The following PDE4B variants were observed in gnomAD, a reference collection of about 807,000 sequenced individuals.
PDE4B encodes 3',5'-cyclic-AMP phosphodiesterase 4B.
PDE4B carries 20 observed loss-of-function variants against 82.2 expected under a neutral mutation model. That is an observed-to-expected ratio of 0.24 (90% confidence interval 0.17 to 0.35). The LOEUF (loss-of-function observed/expected upper bound fraction) is 0.35. PDE4B is among the 10% of genes least tolerant of loss of function. The pLI, the probability that PDE4B is intolerant of heterozygous loss-of-function variation, is 1.00. For synonymous variants in PDE4B, 320 were observed against 318.9 expected (o/e 1.00, Z -0.04); for missense variants, 655 against 907.2 (o/e 0.72, Z 3.57).
rs528575232 is a variant in PDE4B at position 66,102,448 on chromosome 1, T to C, written c.282-145012T>C. Among the ~76,000 whole-genome samples, 3 of 152,216 alleles carry C rather than the reference T, an allele frequency of 2.0e-5. No individual in the cohort carries two copies. The East Asian group carries it at 5.8e-4, about 29-fold the overall frequency. ...TGGGAAATATTGAAATTCATTTTGC[T>C]GTAAGTATAGCTGGTGAAGTGAGCA... On this transcript the variant is annotated intron_variant, in intron 3 of 16. Transcript: ENST00000341517.
chr1:66,206,549 C>G (rs1056976537), intron 3 of PDE4B, among the ~76,000 whole-genome samples: 1 of 152,134 alleles, frequency 6.6e-6, no homozygotes, highest in Non-Finnish European at 1.5e-5. Context: ...TAAAAAAATT[C>G]TTTGGGTGGG....
Position 65,882,680 on chromosome 1 carries a change from A to G in PDE4B, c.-70-30565A>G, listed in dbSNP as rs976505091. Reference sequence around the variant, plus strand: ...TGTTTATGGCAACTATTTGAAAAATATGTGTGTGTGTGTGTGTGTGTGTGT... The same window carrying G: ...TGTTTATGGCAACTATTTGAAAAATGTGTGTGTGTGTGTGTGTGTGTGTGT... On this transcript the variant is annotated intron_variant, in intron 1 of 16. Transcript: ENST00000341517. 2.0e-5 allele frequency among the ~76,000 whole-genome samples: 3 copies of G among 149,954 alleles called. 1 individual carries two copies. The highest frequency in any genetic ancestry group is 4.2e-4 in the South Asian group (2 of 4,708).
chr1:65,897,530 C>A (rs1264653396), intron 1 of PDE4B, among the ~76,000 whole-genome samples: 1 of 151,822 alleles, frequency 6.6e-6, no homozygotes, highest in Non-Finnish European at 1.5e-5. Flanking sequence ...CTAGTATTCC[C>A]CAGTGTGTAT....
intron 3 of PDE4B, among the ~76,000 whole-genome samples, chr1:65,963,272 C>T (rs1469807771): frequency 1.3e-5 from 2 of 152,108 alleles, no homozygotes; most frequent in African/African-American, 2.4e-5. Flanking sequence ...TGCGTTTGGC[C>T]CTGCGACTGC....
intron 1 of PDE4B, among the ~76,000 whole-genome samples, chr1:65,846,411 A>G (rs1438786348): frequency 6.6e-6 from 1 of 152,252 alleles, no homozygotes; most frequent in African/African-American, 2.4e-5. Flanking sequence ...AAATGAACAC[A>G]GTTGAGAAAT....
intron 1 of PDE4B, among the ~76,000 whole-genome samples, chr1:65,880,777 AG>A (rs1315934867): frequency 6.6e-6 from 1 of 152,172 alleles, no homozygotes; most frequent in African/African-American, 2.4e-5. Flanking sequence ...CAGCAACCTG[AG>A]CAGACAAAGA....
At chr1:66,368,997 T>A in intron 16 of PDE4B, 28 bp downstream of exon 16, 1 of 1,550,574 alleles carries the variant, frequency 6.4e-7, no homozygotes, top group Non-Finnish European at 8.8e-7. Context: ...TTCAAAGTTT[T>A]TGTGAGCTCT....
intron 3 of PDE4B, among the ~76,000 whole-genome samples, chr1:65,943,161 T>G (rs1360830787): frequency 6.6e-6 from 1 of 152,010 alleles, no homozygotes; most frequent in Non-Finnish European, 1.5e-5. Flanking sequence ...CATTTAACTC[T>G]TAAATCAATT....
chr1:66,357,429 T>A (rs1320260239), intron 9 of PDE4B, among the ~76,000 whole-genome samples: 2 of 152,020 alleles, frequency 1.3e-5, no homozygotes, highest in Non-Finnish European at 2.9e-5. Flanking sequence ...AAGAAAAATT[T>A]AAAAAGATGC....
At chr1:66,188,875 T>C (rs1647453225) in intron 3 of PDE4B, among the ~76,000 whole-genome samples, 1 of 152,240 alleles carries the variant, frequency 6.6e-6, no homozygotes, top group Non-Finnish European at 1.5e-5. Flanking sequence ...GATCCTGTCA[T>C]TATGATGTTA....
intron 7 of PDE4B, among the ~76,000 whole-genome samples, chr1:66,274,327 A>ATTT (rs34185918): frequency 6.8e-6 from 1 of 147,908 alleles, no homozygotes. Flanking sequence ...CACCCAGCTA[A>ATTT]TTTTTTTTTT....
At chr1:66,031,522 T>A (rs567757996) in intron 3 of PDE4B, among the ~76,000 whole-genome samples, 1 of 152,204 alleles carries the variant, frequency 6.6e-6, no homozygotes, top group Non-Finnish European at 1.5e-5. Flanking sequence ...TGGGTTTGGG[T>A]TTTTTCCCTA....
intron 3 of PDE4B, among the ~76,000 whole-genome samples, chr1:65,968,692 G>T (rs891289315): frequency 6.6e-6 from 1 of 152,074 alleles, no homozygotes; most frequent in Non-Finnish European, 1.5e-5. Context: ...GTGTTTTCTA[G>T]CATTTTAGTG....
chr1:65,840,361 T>G (rs1310824788), intron 1 of PDE4B, among the ~76,000 whole-genome samples: 1 of 152,180 alleles, frequency 6.6e-6, no homozygotes, highest in Non-Finnish European at 1.5e-5. Context: ...GTTATACTAA[T>G]TAAGCTTGAT....
intron 1 of PDE4B, among the ~76,000 whole-genome samples, chr1:65,907,619 G>A (rs1386131530): frequency 1.3e-5 from 2 of 152,062 alleles, no homozygotes; most frequent in African/African-American, 4.8e-5. Flanking sequence ...CTTGATGTTA[G>A]TTTTAAAAGT....
chr1:66,007,874 C>A lies in PDE4B; in HGVS notation c.281+89039C>A, dbSNP rs558449884. 3.9e-5 allele frequency among the ~76,000 whole-genome samples: 6 copies of A among 152,158 alleles called. No homozygotes were observed. In the East Asian group the frequency reaches 7.7e-4, roughly 20 times the overall value. ...CTCAGGAAGGTCGATTAATTGATAC[C>A]AGGTAAACAAGCTACAAAGAAATAA... On this transcript the variant is annotated intron_variant, in intron 3 of 16. Coordinates refer to ENST00000341517, the MANE Select transcript of PDE4B (RefSeq NM_002600.4).
chr1:66,068,113 AAAG>A (rs201166099), intron 3 of PDE4B, among the ~76,000 whole-genome samples: 2,444 of 151,354 alleles, frequency 0.016, 23 homozygotes, highest in Non-Finnish European at 0.023. Flanking sequence ...ATTAAAAAAA[AAAG>A]ACACAGCAAC....
intron 3 of PDE4B, among the ~76,000 whole-genome samples, chr1:66,060,628 T>C (rs921550547): frequency 3.3e-5 from 5 of 152,210 alleles, no homozygotes; most frequent in African/African-American, 1.2e-4. Flanking sequence ...CTAAGTAAGA[T>C]ATATTGTTGA....
chr1:66,033,788 C>CTTTTT (rs4071541), intron 3 of PDE4B, among the ~76,000 whole-genome samples: 98,763 of 145,652 alleles, frequency 0.68, 35,561 homozygotes, highest in Non-Finnish European at 0.82. Context: ...TTCTTTCTTT[C>CTTTTT]TTTTTTGTAA....
Sources: gnomAD v4.1 joint callset for allele counts (sites outside exome capture counted in the v4.1 genomes callset) on GRCh38, gnomAD v4.1.1 for gene constraint, MANE v1.5 for transcripts, NCBI Gene and HGNC (gene_info 2026-07-23, HGNC 2026-07-21) for gene names.